The following EIPR1 variants were observed in gnomAD, a reference collection of about 807,000 sequenced individuals.
EIPR1 encodes the protein EARP complex and GARP complex interacting protein 1.
A neutral mutation model predicts 48.1 loss-of-function variants in EIPR1; 25 were observed. That is an observed-to-expected ratio of 0.52 (90% CI 0.38 to 0.73). The LOEUF (loss-of-function observed/expected upper bound fraction) is 0.73. Among genes scored for constraint, EIPR1 ranks in the 30% least tolerant of loss-of-function variants. EIPR1 has a pLI of 0.00. For synonymous variants in EIPR1, 204 were observed against 201.9 expected, an observed-to-expected ratio of 1.01 and a Z score of -0.09; for missense variants, 415 against 506.2, an observed-to-expected ratio of 0.82 and a Z score of 1.73.
At chr2:3,266,038 A>C (rs13000649) in intron 3 of EIPR1, among the ~76,000 whole-genome samples, 9,068 of 152,260 alleles carry the variant, frequency 0.06, 283 homozygotes, top group Non-Finnish European at 0.065. Flanking sequence ...ATCAGGGCAA[A>C]ATGAAGGGAG....
chr2:3,233,597 C>T (rs116157867), intron 4 of EIPR1, among the ~76,000 whole-genome samples: 2,353 of 152,338 alleles, frequency 0.015, 31 homozygotes, highest in African/African-American at 0.033. Context: ...GGTATGTCTT[C>T]GCTGCTTTAA....
Position 3,196,943 on chromosome 2 carries a change from GTTAT to G in EIPR1, c.587_590del (p.His196ProfsTer21). The G allele has an allele frequency of 6.2e-7, 1 of 1,613,986 alleles. No homozygotes were observed. Among genetic ancestry groups the G allele is most frequent in the Non-Finnish European group, 8.5e-7 (1 of 1,180,048 alleles). On this transcript the variant is annotated frameshift_variant, in exon 6 of 9. Coordinates refer to ENST00000382125, the MANE Select transcript of EIPR1 (RefSeq NM_003310.5). LOFTEE classifies it high-confidence loss of function. ...CGTTCGCTGTGGCCACCTGGGTGCA[GTTAT>G]GATGTGGGCTCCACCGTCCTGAGGT...
rs1377137215 is a variant in EIPR1 at position 3,194,254 on chromosome 2, G to A, written c.654-88C>T. On this transcript the variant is annotated intron_variant, in intron 6 of 8. Transcript: ENST00000382125. ...CTGCGGGCACACACTGGTTTCCCGG[G>A]ACCCTGTCTAATCCCCCGGCCCAGG... 13 of 1,523,570 alleles carry A rather than the reference G, an allele frequency of 8.5e-6. No homozygotes were observed. In the Admixed American group the frequency reaches 1.2e-4, roughly 14 times the overall value. 94.4% of individuals were successfully genotyped at this position (1,523,570 alleles called of 1,614,324 possible).
intron 3 of EIPR1, among the ~76,000 whole-genome samples, chr2:3,314,164 G>A (rs780006286): frequency 1.4e-4 from 21 of 152,190 alleles, no homozygotes; most frequent in East Asian, 7.7e-4. Context: ...CTGCGCCAGC[G>A]TGATCTACAG....
intron 3 of EIPR1, among the ~76,000 whole-genome samples, chr2:3,306,873 TTA>T (rs1243196385): frequency 2.6e-5 from 4 of 152,224 alleles, no homozygotes; most frequent in African/African-American, 9.6e-5. Context: ...TACTGTATAG[TTA>T]TAGAGTCAAA....
chr2:3,269,470 ATCGCACTCAG>A (rs1425738174), intron 3 of EIPR1, among the ~76,000 whole-genome samples: 1 of 146,686 alleles, frequency 6.8e-6, no homozygotes, highest in Non-Finnish European at 1.5e-5. Flanking sequence ...ACACTCAGTC[ATCGCACTCAG>A]TCATCGCACT....
At chr2:3,291,361 T>C (rs1251622344) in intron 3 of EIPR1, among the ~76,000 whole-genome samples, 1 of 152,166 alleles carries the variant, frequency 6.6e-6, no homozygotes, top group Admixed American at 6.5e-5. Flanking sequence ...CCAACCCACG[T>C]AGCGGGCTGC....
intron 3 of EIPR1, among the ~76,000 whole-genome samples, chr2:3,276,853 G>A (rs1256078649): frequency 6.6e-6 from 1 of 152,110 alleles, no homozygotes; most frequent in Non-Finnish European, 1.5e-5. Flanking sequence ...AAAAATAATA[G>A]CATCCATATG....
chr2:3,230,286 G>A (rs1335348472), intron 4 of EIPR1, among the ~76,000 whole-genome samples: 1 of 152,188 alleles, frequency 6.6e-6, no homozygotes, highest in Admixed American at 6.5e-5. Flanking sequence ...GTGGAACACT[G>A]TAGGGAAACT....
At chr2:3,219,785 T>G (rs1237474115) in intron 4 of EIPR1, among the ~76,000 whole-genome samples, 2 of 152,186 alleles carry the variant, frequency 1.3e-5, no homozygotes, top group East Asian at 1.9e-4. Context: ...GTGAGTCAGG[T>G]GCACACCCGG....
chr2:3,367,372 C>T (rs1238948471), intron 1 of EIPR1, among the ~76,000 whole-genome samples: 1 of 152,196 alleles, frequency 6.6e-6, no homozygotes, highest in Non-Finnish European at 1.5e-5. Context: ...GACAAGAAAT[C>T]TGAACAACTA....
intron 3 of EIPR1, among the ~76,000 whole-genome samples, chr2:3,304,004 T>G (rs1434538419): frequency 6.6e-6 from 1 of 152,252 alleles, no homozygotes; most frequent in Non-Finnish European, 1.5e-5. Context: ...GTTGCATGGT[T>G]TGAAAAGATT....
intron 1 of EIPR1, among the ~76,000 whole-genome samples, chr2:3,358,077 G>A (rs146122036): frequency 2.6e-5 from 4 of 152,028 alleles, no homozygotes; most frequent in East Asian, 1.9e-4. Context: ...GCCCCCATTC[G>A]GTCATGCCCC....
intron 4 of EIPR1, among the ~76,000 whole-genome samples, chr2:3,220,454 A>G (rs187877492): frequency 3.5e-4 from 53 of 152,010 alleles, no homozygotes; most frequent in African/African-American, 1.1e-3. Flanking sequence ...AATGGCTGAA[A>G]TAAGTGAGTC....
chr2:3,208,707 G>T (rs545249344), intron 5 of EIPR1: 3 of 1,549,800 alleles, frequency 1.9e-6, no homozygotes, highest in Non-Finnish European at 2.6e-6. Flanking sequence ...ACACTCGGCG[G>T]GTCCTTCTTC....
chr2:3,342,879 C>T (rs1486007229), intron 2 of EIPR1, among the ~76,000 whole-genome samples: 1 of 152,216 alleles, frequency 6.6e-6, no homozygotes, highest in Non-Finnish European at 1.5e-5. Flanking sequence ...TGCAAGTACA[C>T]ATCTTCATGA....
intron 4 of EIPR1, among the ~76,000 whole-genome samples, chr2:3,230,430 G>C (rs1427656307): frequency 6.6e-6 from 1 of 152,194 alleles, no homozygotes; most frequent in Non-Finnish European, 1.5e-5. Context: ...CATCGGGGAT[G>C]CTGAATAAAC....
At chr2:3,243,658 T>TA (rs977862335) in intron 4 of EIPR1, among the ~76,000 whole-genome samples, 8 of 152,136 alleles carry the variant, frequency 5.3e-5, no homozygotes, top group African/African-American at 1.2e-4. Context: ...GAAATTAAAT[T>TA]AAAAATTTTT....
chr2:3,225,780 A>C (rs1194228449), intron 4 of EIPR1, among the ~76,000 whole-genome samples: 1 of 152,130 alleles, frequency 6.6e-6, no homozygotes, highest in African/African-American at 2.4e-5. Context: ...CTAACCTTTG[A>C]CCAGCACCTC....
Sources: allele counts gnomAD v4.1 joint callset (sites outside exome capture counted in the v4.1 genomes callset), GRCh38; gene constraint gnomAD v4.1.1; transcripts MANE v1.5; gene names NCBI Gene and HGNC (gene_info 2026-07-23, HGNC 2026-07-21).